The following TSNARE1 variants were observed in gnomAD, a reference collection of about 807,000 sequenced individuals.
TSNARE1 encodes the protein t-SNARE domain-containing protein 1.
Under a neutral mutation model 62.0 loss-of-function variants are expected in TSNARE1, and 49 were observed. That is an observed-to-expected ratio of 0.79 (90% confidence interval 0.63 to 1.00). The LOEUF (loss-of-function observed/expected upper bound fraction) is 1.00, where lower values mean the gene tolerates loss of function less well. TSNARE1 is among the 50% of genes least tolerant of loss of function. The pLI, the probability that TSNARE1 is intolerant of heterozygous loss-of-function variation, is 0.00. For synonymous variants in TSNARE1, 328 were observed against 294.4 expected, an observed-to-expected ratio of 1.11 and a Z score of -1.17; for missense variants, 755 against 700.1, an observed-to-expected ratio of 1.08 and a Z score of -0.88.
rs868696557 is a variant in TSNARE1 at position 142,296,456 on chromosome 8, G to A, written c.1290+4030C>T. ...GGGAGGGGCGGTCACTGTCATGGGG[G>A]AGAGGTGGTCACTGTGGGGGAAGGG... On this transcript the variant is annotated intron_variant, in intron 10 of 13. Transcript: ENST00000524325. Among the ~76,000 whole-genome samples, 50 of 148,724 alleles carry A rather than the reference G, an allele frequency of 3.4e-4. 1 individual carries two copies. In the South Asian group the frequency reaches 4.9e-3, roughly 15 times the overall value.
chr8:142,279,351 G>T (rs1485495050), intron 11 of TSNARE1, among the ~76,000 whole-genome samples: 2 of 152,218 alleles, frequency 1.3e-5, no homozygotes, highest in Non-Finnish European at 2.9e-5. Context: ...CAGAGGCCAA[G>T]ATGGGGGCCT....
chr8:142,312,595 A>G (rs765279774), intron 9 of TSNARE1, among the ~76,000 whole-genome samples: 33 of 151,960 alleles, frequency 2.2e-4, no homozygotes, highest in South Asian at 4.2e-4. Flanking sequence ...TCTTCTTAGT[A>G]CTCTGAGGGT....
chr8:142,289,760 G>C (rs1024354054), intron 10 of TSNARE1, among the ~76,000 whole-genome samples: 6 of 152,212 alleles, frequency 3.9e-5, no homozygotes, highest in Admixed American at 3.3e-4. Flanking sequence ...GGAGGCCGCC[G>C]GGACTTACTG....
At chr8:142,392,616 CT>C (rs1244328231) in intron 1 of TSNARE1, among the ~76,000 whole-genome samples, 1 of 152,152 alleles carries the variant, frequency 6.6e-6, no homozygotes. Flanking sequence ...CCAAAACGTC[CT>C]TATGCTTCAC....
rs1276227834 is a variant in TSNARE1, at chr8:142,222,348, T to TAATTCACTCACTCACTCACTCATC, written c.*11+7124_*11+7125insGATGAGTGAGTGAGTGAGTGAATT. On this transcript the variant is annotated intron_variant, in intron 13 of 13. Transcript: ENST00000524325. ...TTCACTCACTCGCTCACTCATCCAC[T>TAATTCACTCACTCACTCACTCATC]CACTCACTCACTCATCCACTAATTC... Among the ~76,000 whole-genome samples the TAATTCACTCACTCACTCACTCATC allele has an allele frequency of 9.7e-4, 13 of 13,466 alleles. 3 individuals carry two copies. Among genetic ancestry groups the TAATTCACTCACTCACTCACTCATC allele is most frequent in the South Asian group, 4.5e-3 (2 of 442 alleles). The allele number at this position is 13,466 out of a possible 152,430, so 8.8% of individuals were successfully genotyped here.
intron 12 of TSNARE1, among the ~76,000 whole-genome samples, chr8:142,234,326 C>T (rs1446722030): frequency 6.6e-6 from 1 of 151,724 alleles, no homozygotes; most frequent in African/African-American, 2.4e-5. Context: ...CAAGATGGCG[C>T]CATGACCCCA....
At chr8:142,256,206 T>C (rs967149531) in intron 12 of TSNARE1, among the ~76,000 whole-genome samples, 129 of 14,224 alleles carry the variant, frequency 9.1e-3, no homozygotes, top group East Asian at 0.011. Flanking sequence ...CCACCACCAC[T>C]GTCACCATCA....
At chr8:142,215,894 C>T (rs1161313001) in intron 13 of TSNARE1, among the ~76,000 whole-genome samples, 2 of 152,252 alleles carry the variant, frequency 1.3e-5, no homozygotes, top group African/African-American at 2.4e-5. Flanking sequence ...CCTCCGCCTG[C>T]ACCCCAGGCT....
intron 10 of TSNARE1, among the ~76,000 whole-genome samples, chr8:142,292,757 G>C (rs535146727): frequency 6.6e-6 from 1 of 152,228 alleles, no homozygotes; most frequent in African/African-American, 2.4e-5. Flanking sequence ...ATTGAGCATG[G>C]AGCCCTACTC....
intron 12 of TSNARE1, among the ~76,000 whole-genome samples, chr8:142,265,941 CT>C (rs1281010291): frequency 6.6e-6 from 1 of 152,146 alleles, no homozygotes; most frequent in East Asian, 1.9e-4. Flanking sequence ...AATTAGAGAG[CT>C]TTTTATATAT....
At chr8:142,323,465 G>C (rs1354983180) in intron 6 of TSNARE1, among the ~76,000 whole-genome samples, 1 of 152,228 alleles carries the variant, frequency 6.6e-6, no homozygotes, top group Non-Finnish European at 1.5e-5. Context: ...CAAAGTATGA[G>C]AGACATCCTA....
intron 9 of TSNARE1, among the ~76,000 whole-genome samples, chr8:142,308,196 T>C (rs555427910): frequency 6.6e-6 from 1 of 152,368 alleles, no homozygotes; most frequent in East Asian, 1.9e-4. Context: ...CTGCACTCTC[T>C]TCCTGGGGTA....
intron 1 of TSNARE1, among the ~76,000 whole-genome samples, chr8:142,377,536 G>A (rs184912178): frequency 2.0e-5 from 3 of 152,338 alleles, no homozygotes; most frequent in African/African-American, 7.2e-5. Context: ...CAGCGTGCAG[G>A]AAGGCAGGCG....
intron 12 of TSNARE1, among the ~76,000 whole-genome samples, chr8:142,243,481 G>A (rs1239583736): frequency 6.6e-6 from 1 of 152,170 alleles, no homozygotes; most frequent in Non-Finnish European, 1.5e-5. Context: ...TCATGCTTAA[G>A]TGAAGTAAGC....
intron 9 of TSNARE1, among the ~76,000 whole-genome samples, chr8:142,302,067 G>C (rs528539543): frequency 6.6e-6 from 1 of 152,230 alleles, no homozygotes; most frequent in Non-Finnish European, 1.5e-5. Context: ...CTGGGGCACC[G>C]TAATGACCCC....
chr8:142,350,003 C>T (rs1308144379), intron 2 of TSNARE1, among the ~76,000 whole-genome samples: 24 of 122,542 alleles, frequency 2.0e-4, no homozygotes, highest in Non-Finnish European at 3.5e-4. Flanking sequence ...GCAGGCAGGG[C>T]GGGCAAGGCT....
At chr8:142,230,988 C>T (rs1291388568) in intron 12 of TSNARE1, among the ~76,000 whole-genome samples, 1 of 147,720 alleles carries the variant, frequency 6.8e-6, no homozygotes, top group African/African-American at 2.5e-5. Flanking sequence ...TCCATCCATT[C>T]AACCATCCAT....
At chr8:142,255,926 TCAC>T (rs200214424) in intron 12 of TSNARE1, among the ~76,000 whole-genome samples, 1 of 16,088 alleles carries the variant, frequency 6.2e-5, no homozygotes. Flanking sequence ...ACCATCACCA[TCAC>T]CATCACCATC....
intron 9 of TSNARE1, among the ~76,000 whole-genome samples, chr8:142,305,198 G>A (rs935817781): frequency 6.6e-6 from 1 of 152,218 alleles, no homozygotes; most frequent in African/African-American, 2.4e-5. Flanking sequence ...ATGTTCCCTG[G>A]ACTTGGGGGT....
Sources: gnomAD v4.1 joint callset for allele counts (sites outside exome capture counted in the v4.1 genomes callset) on GRCh38, gnomAD v4.1.1 for gene constraint, MANE v1.5 for transcripts, NCBI Gene and HGNC (gene_info 2026-07-23, HGNC 2026-07-21) for gene names.